DYNC1I1: variants seen among roughly 807,000 people sequenced by gnomAD.
DYNC1I1 encodes the protein cytoplasmic dynein 1 intermediate chain 1.
A neutral mutation model predicts 86.6 loss-of-function variants in DYNC1I1; 43 were observed. The ratio of observed to expected loss-of-function variants is 0.50; its 90% CI spans 0.39 to 0.64. The LOEUF (loss-of-function observed/expected upper bound fraction) is 0.64, where lower values mean the gene tolerates loss of function less well. Among genes scored for constraint, DYNC1I1 ranks in the 30% least tolerant of loss-of-function variants. DYNC1I1 has a pLI of 0.00. For missense variants in DYNC1I1, 604 were observed against 788.8 expected (o/e 0.77, Z 2.81); for synonymous variants, 262 against 283.7 (o/e 0.92, Z 0.77).
At chr7:95,809,086 T>C (rs1291038458) in intron 2 of DYNC1I1, among the ~76,000 whole-genome samples, 1 of 152,160 alleles carries the variant, frequency 6.6e-6, no homozygotes. Context: ...AAGACTCTTA[T>C]AAGCCCTTAT....
intron 5 of DYNC1I1, among the ~76,000 whole-genome samples, chr7:95,834,903 T>A (rs1251249987): frequency 1.1e-4 from 16 of 152,030 alleles, no homozygotes; most frequent in Non-Finnish European, 1.8e-4. Context: ...TGTATTTTGT[T>A]GATCCTTTCA....
chr7:96,071,688 TC>T (rs1315823220), intron 14 of DYNC1I1, among the ~76,000 whole-genome samples: 20 of 152,224 alleles, frequency 1.3e-4, no homozygotes, highest in African/African-American at 3.9e-4. Context: ...AGATTCCTGT[TC>T]ATCTCACAAG....
intron 5 of DYNC1I1, among the ~76,000 whole-genome samples, chr7:95,836,071 T>G (rs1428309674): frequency 6.6e-6 from 1 of 152,238 alleles, no homozygotes; most frequent in African/African-American, 2.4e-5. Flanking sequence ...CTAGTCTTGA[T>G]GGTCTTTACA....
chr7:96,085,365 CT>C (rs879537497), intron 16 of DYNC1I1, among the ~76,000 whole-genome samples: 202 of 148,974 alleles, frequency 1.4e-3, no homozygotes, highest in Non-Finnish European at 1.6e-3. Context: ...GTCCATCTCC[CT>C]TTTTTTTTTC....
intron 6 of DYNC1I1, among the ~76,000 whole-genome samples, chr7:95,904,186 T>C (rs1218736054): frequency 1.3e-5 from 2 of 152,118 alleles, no homozygotes; most frequent in Non-Finnish European, 2.9e-5. Context: ...TGCAAGGGCA[T>C]CACATCACAG....
chr7:95,974,339 A>G (rs1396115574), intron 6 of DYNC1I1, among the ~76,000 whole-genome samples: 1 of 152,134 alleles, frequency 6.6e-6, no homozygotes, highest in East Asian at 1.9e-4. Context: ...CTCAGTCAAT[A>G]TTTGTTAGAC....
chr7:95,976,594 G>A (rs1191523134), intron 6 of DYNC1I1, among the ~76,000 whole-genome samples: 1 of 152,174 alleles, frequency 6.6e-6, no homozygotes, highest in Admixed American at 6.5e-5. Context: ...GGAGGAAGAA[G>A]CAAAGTCATT....
chr7:96,049,745 A>G (rs1324180195), intron 14 of DYNC1I1, among the ~76,000 whole-genome samples: 2 of 152,148 alleles, frequency 1.3e-5, no homozygotes, highest in Non-Finnish European at 2.9e-5. Flanking sequence ...AAAATACAGT[A>G]TAGTGGTGGG....
intron 16 of DYNC1I1, among the ~76,000 whole-genome samples, chr7:96,095,531 CA>C (rs748386674): frequency 6.6e-6 from 1 of 151,820 alleles, no homozygotes; most frequent in Non-Finnish European, 1.5e-5. Context: ...TTTTTTTCTC[CA>C]ATATTTAAAG....
At chr7:95,912,860 A>G (rs940961090) in intron 6 of DYNC1I1, among the ~76,000 whole-genome samples, 4 of 152,216 alleles carry the variant, frequency 2.6e-5, no homozygotes, top group African/African-American at 7.2e-5. Flanking sequence ...TTGGTGGGCT[A>G]CAGACCAAGA....
intron 6 of DYNC1I1, among the ~76,000 whole-genome samples, chr7:95,958,885 A>G (rs1176230494): frequency 6.6e-6 from 1 of 152,226 alleles, no homozygotes; most frequent in Non-Finnish European, 1.5e-5. Context: ...AAGAAATAAA[A>G]CACGATTATG....
intron 5 of DYNC1I1, among the ~76,000 whole-genome samples, chr7:95,838,674 C>A (rs1585738): frequency 0.39 from 59,004 of 151,824 alleles, 11,710 homozygotes; most frequent in East Asian, 0.58. Flanking sequence ...CATGAACATA[C>A]AATGTCTTTT....
chr7:95,915,582 A>G (rs1056797476), intron 6 of DYNC1I1, among the ~76,000 whole-genome samples: 4 of 152,202 alleles, frequency 2.6e-5, no homozygotes, highest in African/African-American at 9.6e-5. Flanking sequence ...ATAAAACTAT[A>G]TAAATCTATA....
chr7:96,028,073 A>C, intron 10 of DYNC1I1, 102 bp from the exon 11 acceptor site: 1 of 1,446,246 alleles, frequency 6.9e-7, no homozygotes, highest in Middle Eastern at 1.8e-4. Context: ...TTTGTTTTCC[A>C]GGATGTGTTG....
chr7:96,036,989 A>C (rs1562980636), intron 13 of DYNC1I1, among the ~76,000 whole-genome samples: 1 of 151,984 alleles, frequency 6.6e-6, no homozygotes, highest in South Asian at 2.1e-4. Context: ...CATCTCTTGC[A>C]CTCATCCGAG....
chr7:95,832,033 A>G (rs952710723), intron 5 of DYNC1I1, among the ~76,000 whole-genome samples: 5 of 150,498 alleles, frequency 3.3e-5, no homozygotes, highest in African/African-American at 1.2e-4. Flanking sequence ...TTAGTTACAT[A>G]TGTATACATG....
chr7:95,853,411 C>T (rs1483479097), intron 5 of DYNC1I1, among the ~76,000 whole-genome samples: 1 of 152,172 alleles, frequency 6.6e-6, no homozygotes, highest in Non-Finnish European at 1.5e-5. Context: ...CAAGAAAGCT[C>T]TTGCCATATT....
chr7:95,935,515 C>T (rs2116424194), intron 6 of DYNC1I1, among the ~76,000 whole-genome samples: 1 of 152,116 alleles, frequency 6.6e-6, no homozygotes, highest in Non-Finnish European at 1.5e-5. Context: ...CTGGATCATA[C>T]AGCAATTTTA....
intron 14 of DYNC1I1, among the ~76,000 whole-genome samples, chr7:96,044,626 A>T (rs1789152857): frequency 6.6e-6 from 1 of 152,172 alleles, no homozygotes; most frequent in South Asian, 2.1e-4. Flanking sequence ...AAATCTGAGC[A>T]GCAACATCTC....
Sources: gnomAD v4.1 joint callset for allele counts (sites outside exome capture counted in the v4.1 genomes callset) on GRCh38, gnomAD v4.1.1 for gene constraint, MANE v1.5 for transcripts, NCBI Gene and HGNC (gene_info 2026-07-23, HGNC 2026-07-21) for gene names.